The following STAM variants were observed in gnomAD, a reference collection of about 807,000 sequenced individuals.
STAM encodes signal transducing adaptor molecule.
A neutral mutation model predicts 63.4 loss-of-function variants in STAM; 16 were observed. The observed-to-expected ratio is 0.25, with a 90% CI of 0.17 to 0.38. The LOEUF (loss-of-function observed/expected upper bound fraction) is 0.38. Among genes scored for constraint, STAM ranks in the 10% least tolerant of loss-of-function variants. The pLI is 1.00. For synonymous variants in STAM, 238 were observed against 223.9 expected, an observed-to-expected ratio of 1.06 and a Z score of -0.56; for missense variants, 636 against 657.1, an observed-to-expected ratio of 0.97 and a Z score of 0.35.
chr10:17,705,784 A>T (rs1554829179), intron 12 of STAM, 43 bp downstream of exon 12: 3 of 1,585,458 alleles, frequency 1.9e-6, no homozygotes, highest in Non-Finnish European at 1.7e-6. Context: ...TCTCAAATGC[A>T]CAGTGAGGTG....
intron 2 of STAM, among the ~76,000 whole-genome samples, chr10:17,669,888 T>TC (rs1184568768): frequency 7.6e-5 from 11 of 145,162 alleles, no homozygotes; most frequent in Admixed American, 1.4e-4. Flanking sequence ...TCTTTTCTTT[T>TC]TTTTTTTTTT....
At chr10:17,689,141 GT>G (rs1315613651) in intron 5 of STAM, among the ~76,000 whole-genome samples, 1 of 152,174 alleles carries the variant, frequency 6.6e-6, no homozygotes, top group East Asian at 1.9e-4. Context: ...ATCAAGAAAT[GT>G]CTTTTTTATT....
intron 8 of STAM, among the ~76,000 whole-genome samples, chr10:17,699,786 A>G (rs1233098497): frequency 6.6e-6 from 1 of 152,092 alleles, no homozygotes; most frequent in Non-Finnish European, 1.5e-5. Flanking sequence ...TTTCTACCAA[A>G]TGAGATTTTT....
At chr10:17,698,129 G>A (rs886148045) in intron 8 of STAM, among the ~76,000 whole-genome samples, 11 of 152,068 alleles carry the variant, frequency 7.2e-5, no homozygotes, top group African/African-American at 2.4e-4. Flanking sequence ...AAAATGGTGC[G>A]CTCTCATAGT....
At chr10:17,703,149 C>T (rs1407919036) in intron 9 of STAM, among the ~76,000 whole-genome samples, 2 of 151,602 alleles carry the variant, frequency 1.3e-5, no homozygotes, top group South Asian at 2.1e-4. Context: ...GCAAACAAAA[C>T]GGAAACCATC....
At position 17,716,242 on chromosome 10, in the gene STAM, A is replaced by G. The variant is rs1177254298; in HGVS notation, c.*1462A>G. ...ATGAAAATTTCATTTTTATTTTCTA[A>G]GACTGTTGTAATCAGGTAGCTTGTT... On this transcript the variant is annotated 3_prime_UTR_variant, in exon 14 of 14. Coordinates refer to ENST00000377524, the MANE Select transcript of STAM (RefSeq NM_003473.4). Among the ~76,000 whole-genome samples the G allele has an allele frequency of 6.6e-6, 1 of 152,112 alleles. No individual in the cohort carries two copies. The highest frequency in any genetic ancestry group is 6.5e-5 in the Admixed American group (1 of 15,274).
chr10:17,714,810 C>T lies in STAM; in HGVS notation c.*30C>T. 1.3e-6 allele frequency: 2 copies of T among 1,569,968 alleles called. No homozygotes were observed. Among genetic ancestry groups the T allele is most frequent in the Non-Finnish European group, 1.8e-6 (2 of 1,139,884 alleles). On this transcript the variant is annotated 3_prime_UTR_variant, in exon 14 of 14. Coordinates refer to ENST00000377524, the MANE Select transcript of STAM (RefSeq NM_003473.4). ...CGGTGTTCCTCTTGGTGGCAGATAC[C>T]TGCTAAATGCCACTGACAATGTTAT...
At chr10:17,672,039 A>G (rs1554824124) in intron 2 of STAM, among the ~76,000 whole-genome samples, 1 of 152,228 alleles carries the variant, frequency 6.6e-6, no homozygotes, top group Non-Finnish European at 1.5e-5. Context: ...ATATAGAGCT[A>G]TTTGAAATAG....
intron 2 of STAM, among the ~76,000 whole-genome samples, chr10:17,662,446 C>T (rs528914027): frequency 1.3e-5 from 2 of 152,320 alleles, no homozygotes; most frequent in Non-Finnish European, 1.5e-5. Context: ...TCTGAATCCT[C>T]AAAGCACTCT....
chr10:17,667,045 A>C (rs1834416498), intron 2 of STAM, among the ~76,000 whole-genome samples: 2 of 152,292 alleles, frequency 1.3e-5, no homozygotes, highest in South Asian at 4.1e-4. Flanking sequence ...GATTCTCTCA[A>C]CTTTCAAGTG....
chr10:17,716,609 T>C lies in STAM; in HGVS notation c.*1829T>C, dbSNP rs1836825976. On this transcript the variant is annotated 3_prime_UTR_variant, in exon 14 of 14. Coordinates refer to ENST00000377524, the MANE Select transcript of STAM (RefSeq NM_003473.4). The stretch of plus-strand genomic sequence containing the variant: ...CAATTTTTCTTTGTCTTTTGATAAA[T>C]TCCTGTTTACCAATGTTAAATGTAT... Among the ~76,000 whole-genome samples, 1 of 152,226 alleles carries C rather than the reference T, an allele frequency of 6.6e-6. No homozygotes were observed. Among genetic ancestry groups the C allele is most frequent in the South Asian group, 2.1e-4 (1 of 4,836 alleles).
chr10:17,673,066 AC>A (rs1172408885), intron 2 of STAM: 2 of 984,724 alleles, frequency 2.0e-6, no homozygotes, highest in African/African-American at 3.5e-5. Flanking sequence ...GGATTTGCCC[AC>A]CCTTTAAACA....
chr10:17,659,212 A>C (rs1554822539), intron 1 of STAM, among the ~76,000 whole-genome samples: 1 of 152,018 alleles, frequency 6.6e-6, no homozygotes, highest in East Asian at 1.9e-4. Flanking sequence ...TGTGTAATGC[A>C]AGTACCTTAT....
At chr10:17,711,895 G>C (rs1484104809) in intron 13 of STAM, among the ~76,000 whole-genome samples, 1 of 152,230 alleles carries the variant, frequency 6.6e-6, no homozygotes, top group Non-Finnish European at 1.5e-5. Flanking sequence ...GAAGCTGGGA[G>C]ACCATGGATA....
intron 13 of STAM, among the ~76,000 whole-genome samples, chr10:17,710,206 C>T (rs1836495960): frequency 6.6e-6 from 1 of 152,070 alleles, no homozygotes; most frequent in Non-Finnish European, 1.5e-5. Context: ...GCTCTACCTT[C>T]CTTGTTACTA....
Position 17,704,429 on chromosome 10 carries a change from A to G in STAM, c.913-2A>G. The G allele has an allele frequency of 6.2e-7, 1 of 1,613,358 alleles. No individual in the cohort carries two copies. Among genetic ancestry groups the G allele is most frequent in the Non-Finnish European group, 8.5e-7 (1 of 1,179,420 alleles). On this transcript the variant is annotated splice_acceptor_variant, in intron 9 of 13. Coordinates refer to ENST00000377524, the MANE Select transcript of STAM (RefSeq NM_003473.4). LOFTEE classifies it high-confidence loss of function. Reference sequence around the variant, plus strand: ...TTTATATTAACTACTTAATTCCTGTAGGATAAAATGGACCAGTTGCTACAG... The same window carrying G: ...TTTATATTAACTACTTAATTCCTGTGGGATAAAATGGACCAGTTGCTACAG...
intron 2 of STAM, among the ~76,000 whole-genome samples, chr10:17,665,983 A>G (rs540135397): frequency 6.6e-6 from 1 of 152,298 alleles, no homozygotes; most frequent in East Asian, 1.9e-4. Context: ...AACTTTCACA[A>G]TGATAATAGC....
At position 17,660,476 on chromosome 10, in the gene STAM, G is replaced by T; in HGVS notation, c.53G>T (p.Ser18Ile). ...TTACAATCTACAGAGAAAGCAACCA[G>T]CGAGATGAATACTGCTGAGGACTGG... ...PFDQDVEKAT[S>I]EMNTAEDWGL... is the part of the protein sequence containing the mutation. The change falls in exon 2 of 14, where the codon AGC becomes ATC. Residue 18 changes from serine to isoleucine, a missense_variant. Coordinates refer to ENST00000377524, the MANE Select transcript of STAM (RefSeq NM_003473.4). The T allele has an allele frequency of 6.3e-7, 1 of 1,597,012 alleles. No individual in the cohort carries two copies. Among genetic ancestry groups the T allele is most frequent in the East Asian group, 2.3e-5 (1 of 43,830 alleles).
chr10:17,713,116 C>G (rs890420189), intron 13 of STAM, among the ~76,000 whole-genome samples: 1 of 152,202 alleles, frequency 6.6e-6, no homozygotes, highest in Non-Finnish European at 1.5e-5. Flanking sequence ...CTCCTCTTTT[C>G]TGAAATGCTT....
Sources: allele counts gnomAD v4.1 joint callset (sites outside exome capture counted in the v4.1 genomes callset), GRCh38; gene constraint gnomAD v4.1.1; transcripts MANE v1.5; gene names NCBI Gene and HGNC (gene_info 2026-07-23, HGNC 2026-07-21).